ARHGEF7: variants seen among roughly 807,000 people sequenced by gnomAD.
The protein encoded by ARHGEF7 is PAK-interacting exchange factor beta.
A neutral mutation model predicts 109.8 loss-of-function variants in ARHGEF7; 33 were observed. The ratio of observed to expected loss-of-function variants is 0.30; its 90% CI spans 0.23 to 0.40. The LOEUF (loss-of-function observed/expected upper bound fraction) is 0.40. ARHGEF7 is among the 10% of genes least tolerant of loss of function. ARHGEF7 has a pLI of 1.00. For missense variants in ARHGEF7, 938 were observed against 1,098.5 expected (o/e 0.85, Z 2.07); for synonymous variants, 458 against 424.6 (o/e 1.08, Z -0.97).
chr13:111,264,636 G>A (rs572406774), intron 8 of ARHGEF7, among the ~76,000 whole-genome samples: 262 of 152,282 alleles, frequency 1.7e-3, no homozygotes, highest in Non-Finnish European at 2.8e-3. Flanking sequence ...GACATGTCTT[G>A]CTCAGACAGA....
At chr13:111,209,566 T>C (rs2082262736) in intron 3 of ARHGEF7, among the ~76,000 whole-genome samples, 1 of 152,232 alleles carries the variant, frequency 6.6e-6, no homozygotes, top group African/African-American at 2.4e-5. Context: ...GAGAGGCTTT[T>C]TTTTCCAGGT....
intron 5 of ARHGEF7, 88 bp downstream of exon 5, chr13:111,217,968 G>A: frequency 7.6e-7 from 1 of 1,322,718 alleles, no homozygotes; most frequent in Admixed American, 2.6e-5. Context: ...CTCTCCAGCT[G>A]GACCTGTGCA....
rs534055307 is a variant in ARHGEF7 at position 111,303,519 on chromosome 13, T to C, written c.*406T>C. On this transcript the variant is annotated 3_prime_UTR_variant, in exon 22 of 22. Transcript: ENST00000646102. Reference sequence around the variant, plus strand: ...GTCCGGGCTAATCCCCATGCTAGAATGTCCTTTCCAGCTACGTGAATAAGA... The same window carrying C: ...GTCCGGGCTAATCCCCATGCTAGAACGTCCTTTCCAGCTACGTGAATAAGA... 2 of 152,762 alleles carry C rather than the reference T, an allele frequency of 1.3e-5. No homozygotes were observed. Among genetic ancestry groups the C allele is most frequent in the Non-Finnish European group, 1.5e-5 (1 of 68,352 alleles). 9.5% of individuals were successfully genotyped at this position (152,762 alleles called of 1,614,324 possible). A position where few individuals can be genotyped will look rare whatever the true frequency, so the allele number is the denominator to read the frequency against.
At chr13:111,189,656 G>A (rs1367444263) in intron 2 of ARHGEF7, among the ~76,000 whole-genome samples, 1 of 152,182 alleles carries the variant, frequency 6.6e-6, no homozygotes, top group African/African-American at 2.4e-5. Flanking sequence ...TGGCTCGGGT[G>A]GCCAGCTTTT....
intron 6 of ARHGEF7, among the ~76,000 whole-genome samples, chr13:111,242,608 G>T (rs966496867): frequency 2.0e-5 from 3 of 152,124 alleles, no homozygotes; most frequent in African/African-American, 7.2e-5. Context: ...TAACAGACTC[G>T]GGTGAAAAAG....
chr13:111,214,803 G>A (rs1260195911), intron 4 of ARHGEF7, among the ~76,000 whole-genome samples: 1 of 152,120 alleles, frequency 6.6e-6, no homozygotes, highest in South Asian at 2.1e-4. Context: ...TTTCACTTAT[G>A]AATTTGAATT....
At chr13:111,282,193 T>TGCCGTGTG (rs1555400566) in intron 15 of ARHGEF7, among the ~76,000 whole-genome samples, 2 of 152,142 alleles carry the variant, frequency 1.3e-5, no homozygotes, top group Non-Finnish European at 2.9e-5. Context: ...TGGCATTAGC[T>TGCCGTGTG]GCCGTCCCTC....
At chr13:111,205,152 GCTGGTCTCC>G (rs1456047300) in intron 2 of ARHGEF7, 128 bp from the exon 3 acceptor site, 24 of 607,910 alleles carry the variant, frequency 3.9e-5, no homozygotes, top group Admixed American at 7.3e-5. Flanking sequence ...GACTGAGCGT[GCTGGTCTCC>G]CTGTCGCAGG....
intron 2 of ARHGEF7, among the ~76,000 whole-genome samples, chr13:111,199,901 T>A (rs181381713): frequency 2.0e-5 from 3 of 152,300 alleles, no homozygotes; most frequent in African/African-American, 7.2e-5. Flanking sequence ...CTGTTACAGA[T>A]GGTGGCCTTA....
intron 2 of ARHGEF7, among the ~76,000 whole-genome samples, chr13:111,192,107 A>G (rs1490485864): frequency 6.6e-6 from 1 of 152,118 alleles, no homozygotes; most frequent in African/African-American, 2.4e-5. Context: ...AAAACAGGAG[A>G]TGCAAGTCCT....
At chr13:111,285,668 A>G (rs2092989680) in intron 16 of ARHGEF7, among the ~76,000 whole-genome samples, 1 of 152,180 alleles carries the variant, frequency 6.6e-6, no homozygotes, top group Non-Finnish European at 1.5e-5. Flanking sequence ...CTTCTCCCTG[A>G]AACTTCAAAT....
intron 9 of ARHGEF7, among the ~76,000 whole-genome samples, chr13:111,269,805 C>T (rs770130602): frequency 2.6e-5 from 4 of 152,184 alleles, no homozygotes; most frequent in African/African-American, 4.8e-5. Context: ...CCTCCCCACC[C>T]CAAAGACACA....
In ARHGEF7 at chr13:111,243,949, A is replaced by G. The variant is rs1221430971; in HGVS notation, c.837A>G (p.Pro279=). 3.7e-6 allele frequency: 6 copies of G among 1,612,246 alleles called. No individual in the cohort carries two copies. In the African/African-American group the frequency reaches 4.0e-5, roughly 11 times the overall value. Residue 279 remains proline (P), a synonymous_variant, in exon 7 of 22, where the codon CCA becomes CCG. Transcript: ENST00000646102. ...CTGTGCTTTCAACGTACCTACGGCC[A>G]TTGCAGACCAGTGAGAAGTAAGTTA... ...LQTVLSTYLR[P]LQTSEKLSSA...
intron 1 of ARHGEF7, among the ~76,000 whole-genome samples, chr13:111,136,893 T>TA (rs1279155876): frequency 1.3e-5 from 2 of 152,050 alleles, no homozygotes; most frequent in African/African-American, 4.8e-5. Flanking sequence ...GTGGACGCAA[T>TA]AAAAAATGAT....
At position 111,233,229 on chromosome 13, in the gene ARHGEF7, G is replaced by T; in HGVS notation, c.695G>T (p.Gly232Val). ...GAGAAGCCTGTGTCTCCCAAATCAG[G>T]AACACTGAAGAGCCCTCCCAAAGGA... ...ASEKPVSPKS[G>V]TLKSPPKGFD... is the part of the protein sequence containing the mutation. The change falls in exon 6 of 22, where the codon GGA becomes GTA. Residue 232 changes from glycine (G) to valine (V), a missense_variant. By Grantham distance (109) the Gly-to-Val change is moderately radical. Coordinates refer to ENST00000646102, the MANE Select transcript of ARHGEF7 (RefSeq NM_001354046.2). The T allele has an allele frequency of 6.2e-7, 1 of 1,614,010 alleles. No homozygotes were observed. The highest frequency in any genetic ancestry group is 8.5e-7 in the Non-Finnish European group (1 of 1,179,930).
At chr13:111,211,160 G>T (rs2082441792) in intron 4 of ARHGEF7, among the ~76,000 whole-genome samples, 1 of 152,214 alleles carries the variant, frequency 6.6e-6, no homozygotes. Context: ...CCTCACAGCA[G>T]CCCCGAGAGG....
At chr13:111,133,763 T>TCA (rs1299591434) in intron 1 of ARHGEF7, among the ~76,000 whole-genome samples, 80 of 7,376 alleles carry the variant, frequency 0.011, no homozygotes, top group Middle Eastern at 0.05. Context: ...CTGCTTTTCT[T>TCA]TATATATATA....
In ARHGEF7 at chr13:111,221,370, TA is replaced by T. The variant is rs1287571610; in HGVS notation, c.670+3491del. ...ATATATGTCTATATATATATCTATA[TA>T]TATATCTATATATATAGATGTCTAT... On this transcript the variant is annotated intron_variant, in intron 5 of 21. Transcript: ENST00000646102. Among the ~76,000 whole-genome samples the T allele has an allele frequency of 3.4e-4, 14 of 41,298 alleles. 2 individuals carry two copies. Among genetic ancestry groups the T allele is most frequent in the Non-Finnish European group, 5.8e-4 (12 of 20,662 alleles). 27.1% of individuals were successfully genotyped at this position (41,298 alleles called of 152,430 possible).
chr13:111,289,401 T>C (rs2093173871), intron 18 of ARHGEF7, among the ~76,000 whole-genome samples: 2 of 152,228 alleles, frequency 1.3e-5, no homozygotes, highest in African/African-American at 4.8e-5. Flanking sequence ...GGGTGGCGGC[T>C]GATGCAGCGT....
Sources: allele counts gnomAD v4.1 joint callset (sites outside exome capture counted in the v4.1 genomes callset), GRCh38; gene constraint gnomAD v4.1.1; transcripts MANE v1.5; gene names NCBI Gene and HGNC (gene_info 2026-07-23, HGNC 2026-07-21).